The following DPP6 variants were observed in gnomAD, a reference collection of about 807,000 sequenced individuals.
DPP6 encodes the protein A-type potassium channel modulatory protein DPP6.
A neutral mutation model predicts 122.6 loss-of-function variants in DPP6; 69 were observed. The ratio of observed to expected loss-of-function variants is 0.56; its 90% confidence interval spans 0.46 to 0.69. DPP6 has a LOEUF of 0.69. Among genes scored for constraint, DPP6 ranks in the 30% least tolerant of loss-of-function variants. The probability of loss-of-function intolerance (pLI) is 0.00; values close to 1 mark genes in which losing one functional copy is unlikely to be tolerated. For synonymous variants in DPP6, 418 were observed against 433.1 expected, an observed-to-expected ratio of 0.97 and a Z score of 0.43; for missense variants, 928 against 1,116.9, an observed-to-expected ratio of 0.83 and a Z score of 2.41.
At chr7:154,377,193 T>C (rs1813202699) in intron 1 of DPP6, among the ~76,000 whole-genome samples, 1 of 152,162 alleles carries the variant, frequency 6.6e-6, no homozygotes. Context: ...TTAAGCTTCA[T>C]TTAAAAAGCG....
intron 4 of DPP6, among the ~76,000 whole-genome samples, chr7:154,563,369 A>T (rs1161639665): frequency 6.6e-6 from 1 of 152,214 alleles, no homozygotes; most frequent in Non-Finnish European, 1.5e-5. Flanking sequence ...CTGGTCAGTC[A>T]GGACTTTGGC....
chr7:154,413,035 G>T (rs1816744594), intron 1 of DPP6, among the ~76,000 whole-genome samples: 1 of 152,186 alleles, frequency 6.6e-6, no homozygotes, highest in Admixed American at 6.5e-5. Flanking sequence ...GAGAAATGCA[G>T]CTCAGACCCC....
At chr7:153,922,891 C>T (rs1029032113) in intron 1 of DPP6, among the ~76,000 whole-genome samples, 1 of 152,218 alleles carries the variant, frequency 6.6e-6, no homozygotes, top group Non-Finnish European at 1.5e-5. Context: ...AAAAAAGGGA[C>T]ATCCAAAGCT....
At chr7:153,920,345 C>T (rs1800571847) in intron 1 of DPP6, among the ~76,000 whole-genome samples, 1 of 152,148 alleles carries the variant, frequency 6.6e-6, no homozygotes. Flanking sequence ...GCTTGCTATC[C>T]AAAGTGCTAA....
intron 7 of DPP6, among the ~76,000 whole-genome samples, chr7:154,717,590 C>T (rs1475357305): frequency 6.6e-6 from 1 of 152,144 alleles, no homozygotes; most frequent in Non-Finnish European, 1.5e-5. Flanking sequence ...TTTTCTTTGG[C>T]TAAATACTAT....
chr7:154,665,985 C>T (rs190461609), intron 6 of DPP6, among the ~76,000 whole-genome samples: 1 of 152,052 alleles, frequency 6.6e-6, no homozygotes, highest in African/African-American at 2.4e-5. Context: ...ACTCACGGAA[C>T]TACAGAGAAT....
chr7:154,799,671 T>C (rs1310925000), intron 12 of DPP6, among the ~76,000 whole-genome samples: 2 of 152,088 alleles, frequency 1.3e-5, no homozygotes, highest in Non-Finnish European at 2.9e-5. Context: ...ACAAAGAAGC[T>C]CTCATGAGTC....
the DPP6 span, among the ~76,000 whole-genome samples, chr7:153,831,744 C>T: frequency 6.6e-6 from 1 of 152,096 alleles, no homozygotes; most frequent in Non-Finnish European, 1.5e-5. Context: ...AGGTCACAGG[C>T]TGTATAACGC....
At chr7:154,418,193 A>G (rs964288394) in intron 1 of DPP6, among the ~76,000 whole-genome samples, 3 of 152,218 alleles carry the variant, frequency 2.0e-5, no homozygotes, top group Non-Finnish European at 4.4e-5. Context: ...CACTTTCTGC[A>G]GGAAGCCAAC....
At chr7:154,225,470 G>A (rs10276705) in intron 1 of DPP6, among the ~76,000 whole-genome samples, 3 of 151,640 alleles carry the variant, frequency 2.0e-5, no homozygotes, top group East Asian at 3.9e-4. Flanking sequence ...ATCCAGGTTC[G>A]TTTTGGCTTT....
At chr7:154,828,500 G>C (rs1371734974) in intron 16 of DPP6, among the ~76,000 whole-genome samples, 1 of 152,130 alleles carries the variant, frequency 6.6e-6, no homozygotes, top group Non-Finnish European at 1.5e-5. Context: ...TAAAGAAATA[G>C]CTGCTAAAGA....
chr7:154,589,787 G>A (rs1832693884), intron 5 of DPP6, among the ~76,000 whole-genome samples: 1 of 152,126 alleles, frequency 6.6e-6, no homozygotes, highest in Non-Finnish European at 1.5e-5. Flanking sequence ...AGCCTTCTTT[G>A]GCCCAGCCGA....
intron 1 of DPP6, among the ~76,000 whole-genome samples, chr7:153,915,136 G>A (rs1800252201): frequency 6.6e-6 from 1 of 152,294 alleles, no homozygotes; most frequent in Admixed American, 6.5e-5. Context: ...CAGGCTTAAA[G>A]CTTGAGTTGT....
chr7:154,165,614 G>C (rs1230814025), intron 1 of DPP6, among the ~76,000 whole-genome samples: 2 of 151,618 alleles, frequency 1.3e-5, no homozygotes, highest in East Asian at 1.9e-4. Flanking sequence ...CTAGTTTACA[G>C]TCCCACCAAC....
intron 1 of DPP6, among the ~76,000 whole-genome samples, chr7:153,910,620 C>T (rs1370726138): frequency 6.6e-6 from 1 of 152,082 alleles, no homozygotes; most frequent in African/African-American, 2.4e-5. Context: ...CACCAAATTT[C>T]CCCCAGACTT....
chr7:154,011,480 C>A (rs1467596812), intron 1 of DPP6, among the ~76,000 whole-genome samples: 1 of 152,176 alleles, frequency 6.6e-6, no homozygotes, highest in African/African-American at 2.4e-5. Flanking sequence ...ACAAAAAATT[C>A]ATCATTTTAA....
At chr7:154,148,196 A>T (rs1796213801) in intron 1 of DPP6, among the ~76,000 whole-genome samples, 2 of 132,666 alleles carry the variant, frequency 1.5e-5, no homozygotes, top group Admixed American at 1.5e-4. Context: ...AGGCCTGGGG[A>T]GTAATGGGAG....
At chr7:153,964,329 C>T (rs10275096) in intron 1 of DPP6, among the ~76,000 whole-genome samples, 8,416 of 152,174 alleles carry the variant, frequency 0.055, 789 homozygotes, top group African/African-American at 0.19. Flanking sequence ...AGTTCACCTG[C>T]TCCAGAGTTG....
At chr7:154,208,668 A>G (rs75604584) in intron 1 of DPP6, among the ~76,000 whole-genome samples, 7,153 of 152,240 alleles carry the variant, frequency 0.047, 551 homozygotes, top group African/African-American at 0.16. Context: ...TTGGAAAGCT[A>G]TTGTAAAAGG....
Sources: gnomAD v4.1 joint callset for allele counts (sites outside exome capture counted in the v4.1 genomes callset) on GRCh38, gnomAD v4.1.1 for gene constraint, MANE v1.5 for transcripts, NCBI Gene and HGNC (gene_info 2026-07-23, HGNC 2026-07-21) for gene names.